Variants in DRG1 observed in about 807,000 individuals in gnomAD.
DRG1 encodes the protein developmentally-regulated GTP-binding protein 1.
In DRG1, 19 loss-of-function variants were observed where a neutral mutation model predicts 38.8. That is an observed-to-expected ratio of 0.49 (90% CI 0.34 to 0.72). The LOEUF (loss-of-function observed/expected upper bound fraction) is 0.72, where lower values mean the gene tolerates loss of function less well. DRG1 is among the 30% of genes least tolerant of loss of function. DRG1 has a pLI of 0.01. For synonymous variants in DRG1, 167 were observed against 157.5 expected (o/e 1.06, Z -0.45); for missense variants, 299 against 444.8 (o/e 0.67, Z 2.95).
intron 3 of DRG1, among the ~76,000 whole-genome samples, chr22:31,403,455 G>T (rs1194296738): frequency 6.6e-6 from 1 of 151,998 alleles, no homozygotes; most frequent in Non-Finnish European, 1.5e-5. Flanking sequence ...ATCACCTGAG[G>T]TCGGGAGTTC....
Position 31,423,423 on chromosome 22 carries a change from T to C in DRG1, c.713+13T>C. The C allele has an allele frequency of 6.2e-7, 1 of 1,613,748 alleles. No individual in the cohort carries two copies. The highest frequency in any genetic ancestry group is 8.5e-7 in the Non-Finnish European group (1 of 1,179,876). On this transcript the variant is annotated intron_variant, in intron 6 of 8. Transcript: ENST00000331457. ...TGGAAGGAAACAGGTACTGACTGAG[T>C]GTGCAGTCTGTGCCTGACTGAATTG...
At chr22:31,400,933 A>AC (rs1181978405) in intron 2 of DRG1, among the ~76,000 whole-genome samples, 190 bp downstream of exon 2, 2 of 142,478 alleles carry the variant, frequency 1.4e-5, no homozygotes, top group Admixed American at 1.4e-4. Flanking sequence ...ATCAACATAG[A>AC]CCCCCATCTC....
intron 5 of DRG1, among the ~76,000 whole-genome samples, chr22:31,422,779 A>G (rs555091852): frequency 6.6e-6 from 1 of 152,334 alleles, no homozygotes; most frequent in East Asian, 1.9e-4. Context: ...GGTGGCTTAA[A>G]TAACAGAAAT....
chr22:31,426,685 T>C lies in DRG1; in HGVS notation c.784T>C (p.Tyr262His). ...CTCCATTGAGGAATTGGATATCATC[T>C]ATAAGGTGCCTCACTGTGTACCCAT... ...QISIEELDIIYKVPHCVPISA... is the reference protein window; with the variant it reads ...QISIEELDIIHKVPHCVPISA... The change falls in exon 7 of 9, where the codon TAT (tyrosine) becomes CAT (histidine). Residue 262 changes from tyrosine to histidine, a missense_variant. This residue lies in a region of DRG1 where 198 missense variants were observed against 268.1 expected (regional missense o/e 0.74). Coordinates refer to ENST00000331457, the MANE Select transcript of DRG1 (RefSeq NM_004147.4). 1 of 1,614,154 alleles carries C rather than the reference T, an allele frequency of 6.2e-7. No individual in the cohort carries two copies. Among genetic ancestry groups the C allele is most frequent in the Non-Finnish European group, 8.5e-7 (1 of 1,179,996 alleles).
chr22:31,432,144 G>A (rs564711099), intron 8 of DRG1, among the ~76,000 whole-genome samples: 106 of 147,552 alleles, frequency 7.2e-4, no homozygotes, highest in Non-Finnish European at 1.2e-3. Flanking sequence ...TGGCGTAATC[G>A]TGGTTCACTG....
At chr22:31,412,394 A>G (rs1274445743) in intron 4 of DRG1, among the ~76,000 whole-genome samples, 2 of 125,690 alleles carry the variant, frequency 1.6e-5, no homozygotes, top group Admixed American at 9.7e-5. Flanking sequence ...TCTGTCGCCC[A>G]GGCTAGAATG....
rs560446505 is a variant in DRG1, at chr22:31,412,077, G to A, written c.412+996G>A. 4.0e-5 allele frequency among the ~76,000 whole-genome samples: 6 copies of A among 151,796 alleles called. No individual in the cohort carries two copies. The South Asian group carries it at 1.0e-3, about 26-fold the overall frequency. On this transcript the variant is annotated intron_variant, in intron 4 of 8. Transcript: ENST00000331457. ...GAGGCCGAGACGGGCAAATCACGAG[G>A]TCAGGAGATCGAGACAATCCTGGCT...
intron 8 of DRG1, among the ~76,000 whole-genome samples, chr22:31,432,042 G>GTT (rs34293725): frequency 3.8e-3 from 556 of 145,214 alleles, no homozygotes; most frequent in African/African-American, 0.013. Context: ...TTATTTTACT[G>GTT]TTTTTTTTTT....
At chr22:31,408,646 A>G (rs1451550941) in intron 3 of DRG1, among the ~76,000 whole-genome samples, 1 of 150,674 alleles carries the variant, frequency 6.6e-6, no homozygotes, top group Admixed American at 6.7e-5. Flanking sequence ...CCAGCTGCTC[A>G]GGAGGCTGAG....
rs1365360511 is a variant in DRG1 at position 31,431,035 on chromosome 22, CT to C, written c.1005-2819del. 1.3e-3 allele frequency among the ~76,000 whole-genome samples: 72 copies of C among 56,766 alleles called. 5 individuals are homozygous for C. The South Asian group carries it at 0.014, about 11-fold the overall frequency. The allele number at this position is 56,766 out of a possible 152,430, so 37.2% of individuals were successfully genotyped here. Reference sequence around the variant, plus strand: ...ACCCGGCCTTCCCCCCCCCCCCCCGCTTTTTTTTTTTTTTTTTTGAGACGGA... The same window carrying C: ...ACCCGGCCTTCCCCCCCCCCCCCCGCTTTTTTTTTTTTTTTTTGAGACGGA... On this transcript the variant is annotated intron_variant, in intron 8 of 8. Transcript: ENST00000331457.
chr22:31,400,253 T>A (rs1227632592), intron 1 of DRG1, among the ~76,000 whole-genome samples: 1 of 151,944 alleles, frequency 6.6e-6, no homozygotes, highest in Non-Finnish European at 1.5e-5. Flanking sequence ...AGCAGTTTAT[T>A]CCGCCTGGAT....
At chr22:31,409,486 C>T (rs1334212064) in intron 3 of DRG1, among the ~76,000 whole-genome samples, 1 of 152,106 alleles carries the variant, frequency 6.6e-6, no homozygotes, top group Non-Finnish European at 1.5e-5. Flanking sequence ...TCAGAATCTG[C>T]AGGGATGGGT....
intron 8 of DRG1, among the ~76,000 whole-genome samples, chr22:31,428,700 CTTGT>C (rs2050124125): frequency 1.3e-5 from 2 of 152,074 alleles, no homozygotes; most frequent in African/African-American, 4.8e-5. Flanking sequence ...TTAGTTGTTG[CTTGT>C]TTGTAGTCTT....
chr22:31,424,488 CTTTTTT>C (rs398036881), intron 6 of DRG1, among the ~76,000 whole-genome samples: 13 of 71,404 alleles, frequency 1.8e-4, no homozygotes, highest in South Asian at 7.0e-4. Flanking sequence ...GCTTTGGTTT[CTTTTTT>C]TTTTTTTTTT....
Position 31,427,058 on chromosome 22 carries a change from A to C in DRG1, c.882-2A>C. 2 of 1,613,942 alleles carry C rather than the reference A, an allele frequency of 1.2e-6. No homozygotes were observed. The highest frequency in any genetic ancestry group is 1.7e-6 in the Non-Finnish European group (2 of 1,179,892). On this transcript the variant is annotated splice_acceptor_variant, in intron 7 of 8. Transcript: ENST00000331457. LOFTEE classifies it high-confidence loss of function. ...GTAATCTTTATGCCCTCTCTATTCTAGTTACACCAAACCCAAAGGCCAGTT... is the reference window on the plus strand; with the variant it reads ...GTAATCTTTATGCCCTCTCTATTCTCGTTACACCAAACCCAAAGGCCAGTT...
At chr22:31,415,810 A>G (rs1325616179) in intron 4 of DRG1, among the ~76,000 whole-genome samples, 1 of 152,128 alleles carries the variant, frequency 6.6e-6, no homozygotes, top group Admixed American at 6.6e-5. Flanking sequence ...TTAGAAGGGT[A>G]TCCAATTTTA....
At chr22:31,421,450 A>C (rs908571431) in intron 5 of DRG1, 1 of 152,034 alleles carries the variant, frequency 6.6e-6, no homozygotes, top group African/African-American at 2.4e-5. Flanking sequence ...GCTAAAAAAA[A>C]AATGAACTCT....
intron 6 of DRG1, 98 bp from the exon 7 acceptor site, chr22:31,426,517 A>C: frequency 9.9e-7 from 1 of 1,010,798 alleles, no homozygotes; most frequent in Non-Finnish European, 1.4e-6. Flanking sequence ...CCCTCTTGGG[A>C]GCGCCAGTTG....
At chr22:31,405,876 C>T (rs530229028) in intron 3 of DRG1, among the ~76,000 whole-genome samples, 5 of 151,972 alleles carry the variant, frequency 3.3e-5, no homozygotes, top group Non-Finnish European at 5.9e-5. Context: ...TTAGTAGAGA[C>T]GGGGTTTCAC....
Sources: gnomAD v4.1 joint callset for allele counts (sites outside exome capture counted in the v4.1 genomes callset) on GRCh38, gnomAD v4.1.1 for gene constraint, gnomAD v4.1.1 regional missense constraint, MANE v1.5 for transcripts, NCBI Gene and HGNC (gene_info 2026-07-23, HGNC 2026-07-21) for gene names.